Variants in NOTCH2NLB observed in about 807,000 individuals in gnomAD.
NOTCH2NLB encodes notch homolog 2 N-terminal-like protein B.
A neutral mutation model predicts 14.8 loss-of-function variants in NOTCH2NLB; 1 was observed. The observed-to-expected ratio is 0.07, with a 90% CI of 0.02 to 0.32. NOTCH2NLB has a LOEUF of 0.32. Among genes scored for constraint, NOTCH2NLB ranks in the 10% least tolerant of loss-of-function variants. The pLI is 1.00. For synonymous variants in NOTCH2NLB, 6 were observed against 57.5 expected (o/e 0.10, Z 4.05); for missense variants, 11 against 155.0 (o/e 0.07, Z 4.93).
chr1:148,673,779 T>C (rs1461663362), intron 1 of NOTCH2NLB, among the ~76,000 whole-genome samples: 2 of 149,104 alleles, frequency 1.3e-5, no homozygotes, highest in African/African-American at 4.9e-5. Context: ...GCAACCTGTC[T>C]CTAATACTCT....
At chr1:148,670,423 AT>A (rs1664734622) in intron 1 of NOTCH2NLB, among the ~76,000 whole-genome samples, 1 of 145,776 alleles carries the variant, frequency 6.9e-6, no homozygotes, top group South Asian at 2.2e-4. Flanking sequence ...ATTAAGTAAT[AT>A]TTACCACTTA....
intron 3 of NOTCH2NLB, among the ~76,000 whole-genome samples, chr1:148,615,182 T>TC (rs1663775243): frequency 7.2e-6 from 1 of 138,170 alleles, no homozygotes; most frequent in Non-Finnish European, 1.6e-5. Flanking sequence ...TCACCCAGGC[T>TC]AGAGTGCAGT....
upstream of NOTCH2NLB, among the ~76,000 whole-genome samples, chr1:148,684,311 TG>T (rs1406306241): frequency 7.8e-5 from 3 of 38,700 alleles, no homozygotes. Flanking sequence ...AATTGAATCA[TG>T]GGGGCGGTTT....
the NOTCH2NLB span, among the ~76,000 whole-genome samples, chr1:148,703,094 AG>A: frequency 3.4e-5 from 1 of 29,784 alleles, no homozygotes; most frequent in African/African-American, 1.1e-4. Flanking sequence ...CCTGGGCGAC[AG>A]CGAGACTCCG....
intron 1 of NOTCH2NLB, among the ~76,000 whole-genome samples, chr1:148,661,364 GCA>G (rs1276594997): frequency 1.2e-4 from 18 of 149,236 alleles, no homozygotes; most frequent in Non-Finnish European, 2.1e-4. Flanking sequence ...ACACACACAC[GCA>G]CACACACACA....
At chr1:148,674,684 C>A (rs1664814726) in intron 1 of NOTCH2NLB, among the ~76,000 whole-genome samples, 1 of 91,222 alleles carries the variant, frequency 1.1e-5, no homozygotes, top group African/African-American at 3.9e-5. Flanking sequence ...GAATTTGGGG[C>A]ACATGCCAGA....
At chr1:148,645,793 T>C (rs1664357681) in intron 1 of NOTCH2NLB, among the ~76,000 whole-genome samples, 1 of 150,846 alleles carries the variant, frequency 6.6e-6, no homozygotes, top group African/African-American at 2.4e-5. Flanking sequence ...CACTCATGAC[T>C]CTCAATTCAG....
chr1:148,601,627 GA>G, the NOTCH2NLB span, among the ~76,000 whole-genome samples: 1 of 98,000 alleles, frequency 1.0e-5, no homozygotes, highest in Non-Finnish European at 2.0e-5. Flanking sequence ...GCAGGGACCA[GA>G]AAAGAGTCTT....
At chr1:148,679,254 C>T (rs1664881010) in intron 1 of NOTCH2NLB, among the ~76,000 whole-genome samples, 1 of 28,322 alleles carries the variant, frequency 3.5e-5, no homozygotes, top group Non-Finnish European at 7.2e-5. Context: ...GGAACCCCGG[C>T]GGTTGGCGGG....
At chr1:148,645,833 T>C (rs1664359123) in intron 1 of NOTCH2NLB, among the ~76,000 whole-genome samples, 1 of 150,772 alleles carries the variant, frequency 6.6e-6, no homozygotes, top group Non-Finnish European at 1.5e-5. Context: ...TCTCTGCTTT[T>C]TCACTTTTAA....
chr1:148,615,226 C>T (rs1279496654), intron 3 of NOTCH2NLB, among the ~76,000 whole-genome samples: 1,232 of 113,162 alleles, frequency 0.011, 1 homozygote, highest in African/African-American at 0.035. Flanking sequence ...CCTCAAACTC[C>T]TGGGCTCAAG....
intron 2 of NOTCH2NLB, among the ~76,000 whole-genome samples, chr1:148,626,316 AAG>A (rs1319382573): frequency 9.8e-6 from 1 of 102,052 alleles, no homozygotes; most frequent in African/African-American, 4.3e-5. Context: ...AATAAAAAGA[AAG>A]AAAAAAAAGG....
the NOTCH2NLB span, among the ~76,000 whole-genome samples, chr1:148,693,551 CCT>C: frequency 9.0e-5 from 8 of 88,730 alleles, no homozygotes; most frequent in Non-Finnish European, 1.6e-4. Flanking sequence ...ATTTTAGAGT[CCT>C]ATATGTTTTC....
chr1:148,673,717 G>T (rs1664796929), intron 1 of NOTCH2NLB, among the ~76,000 whole-genome samples: 1 of 151,400 alleles, frequency 6.6e-6, no homozygotes, highest in Admixed American at 6.6e-5. Flanking sequence ...TAAGTGGCCA[G>T]CAAGTAGGAG....
chr1:148,699,919 G>A, the NOTCH2NLB span, among the ~76,000 whole-genome samples: 19 of 78,942 alleles, frequency 2.4e-4, 1 homozygote, highest in African/African-American at 7.2e-4. Flanking sequence ...GGATGTGGGG[G>A]TTTCTTACAT....
intron 1 of NOTCH2NLB, among the ~76,000 whole-genome samples, chr1:148,651,383 CCTCCAA>C (rs1664510366): frequency 2.1e-5 from 1 of 46,822 alleles, no homozygotes; most frequent in African/African-American, 8.2e-5. Context: ...AAACGCCAGT[CCTCCAA>C]CTCCATCAGC....
intron 3 of NOTCH2NLB, among the ~76,000 whole-genome samples, chr1:148,612,075 C>T (rs1228161050): frequency 7.4e-6 from 1 of 135,392 alleles, no homozygotes; most frequent in African/African-American, 2.6e-5. Flanking sequence ...GCCTATCCTG[C>T]ATGCAATGGT....
rs1267218426 is a variant in NOTCH2NLB at position 148,625,519 on chromosome 1, A to T, written c.78-9569T>A. Among the ~76,000 whole-genome samples the T allele has an allele frequency of 3.8e-4, 39 of 103,092 alleles. 2 individuals carry two copies. Among genetic ancestry groups the T allele is most frequent in the Admixed American group, 1.7e-3 (19 of 11,032 alleles). 67.6% of individuals were successfully genotyped at this position (103,092 alleles called of 152,430 possible). On this transcript the variant is annotated intron_variant, in intron 2 of 4. Transcript: ENST00000593495. ...AGAATGTGGAACGAAGGGGAAAAAA[A>T]AGTCTCATGTGGGTTGCGTCGGCAC...
intron 2 of NOTCH2NLB, among the ~76,000 whole-genome samples, chr1:148,637,107 C>G (rs1229432462): frequency 1.5e-5 from 2 of 133,836 alleles, no homozygotes; most frequent in African/African-American, 2.9e-5. Context: ...CTCGCTCTGT[C>G]GCTCAGGCTG....
Sources: gnomAD v4.1 joint callset for allele counts (sites outside exome capture counted in the v4.1 genomes callset) on GRCh38, gnomAD v4.1.1 for gene constraint, MANE v1.5 for transcripts, NCBI Gene and HGNC (gene_info 2026-07-23, HGNC 2026-07-21) for gene names.